The following SH3BP4 variants were observed in gnomAD, a reference collection of about 807,000 sequenced individuals.
The protein encoded by SH3BP4 is SH3 domain binding protein 4.
In SH3BP4, 33 loss-of-function variants were observed where a neutral mutation model predicts 65.5. The ratio of observed to expected loss-of-function variants is 0.50; its 90% CI spans 0.38 to 0.67. The LOEUF (loss-of-function observed/expected upper bound fraction) is 0.67. Among genes scored for constraint, SH3BP4 ranks in the 30% least tolerant of loss-of-function variants. The pLI, the probability that SH3BP4 is intolerant of heterozygous loss-of-function variation, is 0.00. For synonymous variants in SH3BP4, 552 were observed against 545.5 expected (o/e 1.01, Z -0.17); for missense variants, 1,134 against 1,261.4 (o/e 0.90, Z 1.53).
chr2:234,975,127 A>G (rs1693131138), intron 1 of SH3BP4, among the ~76,000 whole-genome samples: 1 of 152,128 alleles, frequency 6.6e-6, no homozygotes, highest in African/African-American at 2.4e-5. Flanking sequence ...CTGGTGAGAC[A>G]GTTGTTGGAG....
intron 5 of SH3BP4, 44 bp from the exon 6 acceptor site, chr2:235,053,548 C>G: frequency 1.4e-6 from 2 of 1,454,982 alleles, no homozygotes; most frequent in Non-Finnish European, 1.9e-6. Context: ...CCTAATCTTT[C>G]TTCCTCTCTC....
intron 2 of SH3BP4, among the ~76,000 whole-genome samples, chr2:235,007,477 A>G (rs1033274286): frequency 2.6e-5 from 4 of 152,132 alleles, no homozygotes; most frequent in Non-Finnish European, 5.9e-5. Context: ...ACCGGCATGG[A>G]GTGGGTAGAG....
At chr2:235,001,794 A>AT (rs1694108717) in intron 2 of SH3BP4, among the ~76,000 whole-genome samples, 1 of 152,190 alleles carries the variant, frequency 6.6e-6, no homozygotes, top group South Asian at 2.1e-4. Context: ...CGGCCTGGAC[A>AT]TTTCAGTGCT....
rs1693161909 is a variant in SH3BP4 at position 234,976,153 on chromosome 2, T to TGGAGGACTCCTGC, written c.-206-19146_-206-19134dup. Among the ~76,000 whole-genome samples, 1 of 152,138 alleles carries TGGAGGACTCCTGC rather than the reference T, an allele frequency of 6.6e-6. No homozygotes were observed. Among genetic ancestry groups the TGGAGGACTCCTGC allele is most frequent in the Admixed American group, 6.5e-5 (1 of 15,274 alleles). On this transcript the variant is annotated intron_variant, in intron 1 of 5. Transcript: ENST00000392011. This position sits in a 1 kb window ranked among gnomAD's most constrained non-coding sequence, Gnocchi z 4.7. ...CCTGGCTTTCATCTAGTGACCCCTG[T>TGGAGGACTCCTGC]GGAGGACTCCTGCGGATTCCCCATC... is the stretch of plus-strand genomic sequence containing the variant.
In SH3BP4 at chr2:235,053,649, A is replaced by G. The variant is rs1696134318; in HGVS notation, c.2725A>G (p.Ser909Gly). 6.2e-7 allele frequency: 1 copy of G among 1,614,186 alleles called. No individual in the cohort carries two copies. The highest frequency in any genetic ancestry group is 8.5e-7 in the Non-Finnish European group (1 of 1,180,016). ...LLTWSHQIGD[S>G]YRDVIQELHL... ...CACCTGGAGCCATCAGATCGGGGAC[A>G]GCTACCGGGATGTCATCCAGGAGCT... The change falls in exon 6 of 6, where the codon AGC (serine) becomes GGC (glycine). Residue 909 changes from serine to glycine, a missense_variant. Ser to Gly is a moderately conservative substitution (Grantham distance 56, BLOSUM62 0). Coordinates refer to ENST00000392011, the MANE Select transcript of SH3BP4 (RefSeq NM_014521.3).
Position 235,035,087 on chromosome 2 carries a change from G to A in SH3BP4, c.85G>A (p.Gly29Arg). 2 of 1,614,112 alleles carry A rather than the reference G, an allele frequency of 1.2e-6. No homozygotes were observed. The highest frequency in any genetic ancestry group is 3.3e-5 in the Admixed American group (2 of 60,028). The change falls in exon 3 of 6, where the codon GGG becomes AGG. Residue 29 changes from glycine (G) to arginine (R), a missense_variant. Coordinates refer to ENST00000392011, the MANE Select transcript of SH3BP4 (RefSeq NM_014521.3). The surrounding 1 kb of genome is among the most constrained non-coding windows in gnomAD (Gnocchi z 5.0). ...GGGGACCCTGATTGACCTGAGCGAA[G>A]GGTTTTCAGAGACGAGCTTTAATGA... is the stretch of plus-strand genomic sequence containing the variant. ...SEGTLIDLSE[G>R]FSETSFNDIK...
intron 1 of SH3BP4, among the ~76,000 whole-genome samples, chr2:234,953,723 G>A (rs1433792657): frequency 6.6e-6 from 1 of 152,122 alleles, no homozygotes; most frequent in Non-Finnish European, 1.5e-5. Context: ...CATTGCAGTG[G>A]TCATGCAGTG....
intron 1 of SH3BP4, among the ~76,000 whole-genome samples, chr2:234,993,541 T>C (rs544653703): frequency 1.3e-5 from 2 of 152,240 alleles, no homozygotes; most frequent in African/African-American, 4.8e-5. Flanking sequence ...AAATGGGAAA[T>C]GCACGCTCAC....
intron 1 of SH3BP4, among the ~76,000 whole-genome samples, chr2:234,972,130 T>G (rs1171556091): frequency 7.9e-5 from 11 of 138,908 alleles, no homozygotes; most frequent in African/African-American, 2.9e-4. Context: ...TTTTTTTGTT[T>G]TTTGTTTTTT....
chr2:235,036,740 A>AAAAAAATAAAATAATAATAATAAT (rs146049108), intron 3 of SH3BP4, among the ~76,000 whole-genome samples: 1 of 141,740 alleles, frequency 7.1e-6, no homozygotes, highest in Admixed American at 7.1e-5. Context: ...TCTATATAAA[A>AAAAAAATAAAATAATAATAATAAT]AATAATAATA....
chr2:235,038,323 A>ATATATTATATATAC (rs1695484644), intron 3 of SH3BP4, among the ~76,000 whole-genome samples: 2 of 5,678 alleles, frequency 3.5e-4, no homozygotes, highest in South Asian at 0.016. Flanking sequence ...TATATATTAT[A>ATATATTATATATAC]TATATATTAT....
chr2:234,989,628 C>G (rs758039568), intron 1 of SH3BP4, among the ~76,000 whole-genome samples: 1 of 152,190 alleles, frequency 6.6e-6, no homozygotes. Context: ...TGTCACAGCT[C>G]CACTGTTTTG....
intron 2 of SH3BP4, among the ~76,000 whole-genome samples, chr2:235,012,197 A>G (rs1283242606): frequency 6.6e-6 from 1 of 152,178 alleles, no homozygotes; most frequent in South Asian, 2.1e-4. Context: ...GAGGAGACAC[A>G]AGAACGGCAA....
intron 1 of SH3BP4, among the ~76,000 whole-genome samples, chr2:234,964,969 C>T (rs1034675585): frequency 6.6e-6 from 1 of 152,142 alleles, no homozygotes; most frequent in South Asian, 2.1e-4. Context: ...CCTGGCACTA[C>T]GTGTAGCAGA....
intron 1 of SH3BP4, among the ~76,000 whole-genome samples, chr2:234,957,586 A>T (rs1223347907): frequency 6.6e-6 from 1 of 151,806 alleles, no homozygotes; most frequent in East Asian, 2.0e-4. Flanking sequence ...AGAAGGCTTC[A>T]AAACTCAGGC....
intron 2 of SH3BP4, among the ~76,000 whole-genome samples, chr2:235,001,497 T>G (rs1351262314): frequency 2.6e-5 from 4 of 152,182 alleles, no homozygotes; most frequent in African/African-American, 9.6e-5. Context: ...CAGAAACCAG[T>G]GTAAAACTCT....
Position 235,040,911 on chromosome 2 carries a change from G to C in SH3BP4, c.142G>C (p.Val48Leu). 6.2e-7 allele frequency: 1 copy of C among 1,611,940 alleles called. No individual in the cohort carries two copies. The highest frequency in any genetic ancestry group is 8.5e-7 in the Non-Finnish European group (1 of 1,178,198). Residue 48 changes from valine to leucine, a missense_variant, in exon 4 of 6, where the codon GTA becomes CTA. Val to Leu is a conservative substitution (Grantham distance 32, BLOSUM62 1). Transcript: ENST00000392011. Reference sequence around the variant, plus strand: ...AGTGCCTTCTCCCAGTGCCTTGCTCGTAGACAACCCCACACCTTTCGGAAA... The same window carrying C: ...AGTGCCTTCTCCCAGTGCCTTGCTCCTAGACAACCCCACACCTTTCGGAAA... ...IKVPSPSALL[V>L]DNPTPFGNAK...
At chr2:235,013,484 T>C (rs1409490924) in intron 2 of SH3BP4, among the ~76,000 whole-genome samples, 1 of 152,214 alleles carries the variant, frequency 6.6e-6, no homozygotes, top group Non-Finnish European at 1.5e-5. Context: ...ATCTTAGAGC[T>C]GTGACTAGGG....
intron 1 of SH3BP4, among the ~76,000 whole-genome samples, chr2:234,981,982 C>T (rs1024236953): frequency 6.6e-6 from 1 of 152,196 alleles, no homozygotes; most frequent in Non-Finnish European, 1.5e-5. Context: ...GATGTCGCCT[C>T]CTGAGGCTGG....
Sources: gnomAD v4.1 joint callset for allele counts (sites outside exome capture counted in the v4.1 genomes callset) on GRCh38, gnomAD v4.1.1 for gene constraint, Gnocchi (gnomAD v3.1) non-coding constraint, MANE v1.5 for transcripts, NCBI Gene and HGNC (gene_info 2026-07-23, HGNC 2026-07-21) for gene names.